The following NXPH2 variants were observed in gnomAD, a reference collection of about 807,000 sequenced individuals.
NXPH2 encodes neurexophilin 2.
Under a neutral mutation model 19.8 loss-of-function variants are expected in NXPH2, and 5 were observed. The observed-to-expected ratio is 0.25, with a 90% CI of 0.13 to 0.53. NXPH2 has a LOEUF of 0.53. Ranked by LOEUF, NXPH2 falls within the 20% of genes least tolerant of loss-of-function variation. NXPH2 has a pLI of 0.96. For missense variants in NXPH2, 289 were observed against 322.8 expected (o/e 0.90, Z 0.80); for synonymous variants, 154 against 127.4 (o/e 1.21, Z -1.41).
At chr2:138,694,450 TG>T (rs945799502) in intron 1 of NXPH2, among the ~76,000 whole-genome samples, 33 of 152,120 alleles carry the variant, frequency 2.2e-4, no homozygotes, top group African/African-American at 7.7e-4. Context: ...CCACTGACTC[TG>T]TGAAGACAGA....
intron 1 of NXPH2, among the ~76,000 whole-genome samples, chr2:138,758,124 T>A (rs1050705642): frequency 1.2e-4 from 18 of 152,146 alleles, no homozygotes; most frequent in Admixed American, 3.3e-4. Flanking sequence ...CTAAATCTCA[T>A]AAAAGGCCAA....
chr2:138,743,403 T>C (rs903492808), intron 1 of NXPH2, among the ~76,000 whole-genome samples: 15 of 152,252 alleles, frequency 9.9e-5, no homozygotes, highest in Non-Finnish European at 1.5e-4. Flanking sequence ...GGAAACATTA[T>C]GGTAAGTGAA....
At chr2:138,679,257 G>T (rs952687604) in intron 1 of NXPH2, among the ~76,000 whole-genome samples, 2 of 152,172 alleles carry the variant, frequency 1.3e-5, no homozygotes, top group Admixed American at 6.5e-5. Flanking sequence ...TGGTACTTTT[G>T]TTACTTACAG....
At chr2:138,752,318 T>C (rs1681840000) in intron 1 of NXPH2, among the ~76,000 whole-genome samples, 1 of 152,006 alleles carries the variant, frequency 6.6e-6, no homozygotes, top group Non-Finnish European at 1.5e-5. Context: ...TCCAGTAGAG[T>C]TCTTGGCACA....
intron 1 of NXPH2, among the ~76,000 whole-genome samples, chr2:138,692,065 C>T (rs1680755329): frequency 1.3e-5 from 2 of 152,170 alleles, no homozygotes; most frequent in African/African-American, 4.8e-5. Context: ...AAGAGGTAAT[C>T]AGAGCTTTGC....
intron 1 of NXPH2, among the ~76,000 whole-genome samples, chr2:138,746,313 T>C (rs567677218): frequency 2.6e-4 from 39 of 152,364 alleles, no homozygotes; most frequent in African/African-American, 9.4e-4. Context: ...GGACAAGCTA[T>C]TCAGTAGAGG....
chr2:138,741,689 A>C (rs1396655170), intron 1 of NXPH2, among the ~76,000 whole-genome samples: 1 of 152,220 alleles, frequency 6.6e-6, no homozygotes, highest in Non-Finnish European at 1.5e-5. Flanking sequence ...AATTGATGTG[A>C]AAGCAAGGTA....
chr2:138,741,138 G>T (rs567563311), intron 1 of NXPH2, among the ~76,000 whole-genome samples: 2 of 152,248 alleles, frequency 1.3e-5, no homozygotes, highest in East Asian at 1.9e-4. Context: ...GAAAGGGAAT[G>T]AAAACACCTT....
chr2:138,741,090 T>C (rs533835009), intron 1 of NXPH2, among the ~76,000 whole-genome samples: 84 of 152,226 alleles, frequency 5.5e-4, no homozygotes, highest in African/African-American at 2.0e-3. Flanking sequence ...AAATGACTTA[T>C]TTTAAAATAT....
intron 1 of NXPH2, among the ~76,000 whole-genome samples, chr2:138,752,529 T>C (rs193301649): frequency 3.3e-5 from 5 of 152,280 alleles, no homozygotes; most frequent in Admixed American, 2.6e-4. Flanking sequence ...AGAGTTCCCA[T>C]ATACATCACA....
At chr2:138,683,758 G>A (rs554173541) in intron 1 of NXPH2, among the ~76,000 whole-genome samples, 1 of 152,200 alleles carries the variant, frequency 6.6e-6, no homozygotes, top group South Asian at 2.1e-4. Flanking sequence ...CTGTTGTTGT[G>A]TTTGTTCATG....
At position 138,747,018 on chromosome 2, in the gene NXPH2, T is replaced by C. The variant is rs1681747550; in HGVS notation, c.51+33173A>G. ...GTAGATAACAACCCAAATCAAGGTTTCATCAAATACATTATATTCCCCTCC... is the reference window on the plus strand; with the variant it reads ...GTAGATAACAACCCAAATCAAGGTTCCATCAAATACATTATATTCCCCTCC... On this transcript the variant is annotated intron_variant, in intron 1 of 1. Transcript: ENST00000272641. Among the ~76,000 whole-genome samples the C allele has an allele frequency of 2.0e-5, 3 of 152,186 alleles. No homozygotes were observed. In the South Asian group the frequency reaches 6.2e-4, roughly 32 times the overall value.
At chr2:138,779,928 C>T (rs1204800594) in intron 1 of NXPH2, among the ~76,000 whole-genome samples, 1 of 152,192 alleles carries the variant, frequency 6.6e-6, no homozygotes, top group Non-Finnish European at 1.5e-5. Flanking sequence ...GGACCTACTT[C>T]CCGGCCACCT....
intron 1 of NXPH2, among the ~76,000 whole-genome samples, chr2:138,748,243 T>G (rs116427436): frequency 6.1e-4 from 93 of 152,294 alleles, no homozygotes; most frequent in African/African-American, 2.1e-3. Flanking sequence ...GTTTCTAATC[T>G]GGAACACAGG....
At chr2:138,688,218 C>G (rs552973636) in intron 1 of NXPH2, among the ~76,000 whole-genome samples, 1 of 152,196 alleles carries the variant, frequency 6.6e-6, no homozygotes, top group Non-Finnish European at 1.5e-5. Flanking sequence ...GAGTCTTGCT[C>G]TGTTGCCCAG....
At chr2:138,754,450 T>C (rs1041238120) in intron 1 of NXPH2, among the ~76,000 whole-genome samples, 8 of 152,224 alleles carry the variant, frequency 5.3e-5, no homozygotes, top group Admixed American at 5.2e-4. Flanking sequence ...TGTGGTCTTT[T>C]AGACTGGCTT....
At chr2:138,777,741 T>C (rs1406392905) in intron 1 of NXPH2, among the ~76,000 whole-genome samples, 1 of 148,150 alleles carries the variant, frequency 6.7e-6, no homozygotes, top group Non-Finnish European at 1.5e-5. Context: ...ATATTTTTTA[T>C]AAGTATGTTC....
intron 1 of NXPH2, among the ~76,000 whole-genome samples, chr2:138,692,944 C>T (rs1467197260): frequency 6.6e-6 from 1 of 152,116 alleles, no homozygotes. Flanking sequence ...AAACTTTTTC[C>T]ATTTCATTTT....
chr2:138,758,015 G>C (rs1472968593), intron 1 of NXPH2, among the ~76,000 whole-genome samples: 1 of 152,064 alleles, frequency 6.6e-6, no homozygotes, highest in Non-Finnish European at 1.5e-5. Flanking sequence ...ATGAGAGATG[G>C]GGAAGCACAA....
Sources: gnomAD v4.1 joint callset for allele counts (sites outside exome capture counted in the v4.1 genomes callset) on GRCh38, gnomAD v4.1.1 for gene constraint, MANE v1.5 for transcripts, NCBI Gene and HGNC (gene_info 2026-07-23, HGNC 2026-07-21) for gene names.